The following SLC9A7 variants were observed in gnomAD, a reference collection of about 807,000 sequenced individuals.
SLC9A7 encodes the protein solute carrier family 9 member A7.
SLC9A7 carries 19 observed loss-of-function variants against 52.6 expected under a neutral mutation model. That is an observed-to-expected ratio of 0.36 (90% CI 0.25 to 0.53). The LOEUF (loss-of-function observed/expected upper bound fraction) is 0.53, where lower values mean the gene tolerates loss of function less well. Ranked by LOEUF, SLC9A7 falls within the 20% of genes least tolerant of loss-of-function variation. The pLI is 0.91. For synonymous variants in SLC9A7, 226 were observed against 252.1 expected, an observed-to-expected ratio of 0.90 and a Z score of 0.98; for missense variants, 455 against 597.9, an observed-to-expected ratio of 0.76 and a Z score of 2.49.
At chrX:46,733,880 A>C (rs1250791367) in intron 1 of SLC9A7, among the ~76,000 whole-genome samples, 1 of 112,125 alleles carries the variant, frequency 8.9e-6, no homozygotes, top group Non-Finnish European at 1.9e-5. Flanking sequence ...AAAATTGCAG[A>C]TATAAATCCA....
chrX:46,637,286 G>A (rs1328329504), intron 12 of SLC9A7, among the ~76,000 whole-genome samples: 2 of 111,920 alleles, frequency 1.8e-5, no homozygotes, highest in South Asian at 3.7e-4. Flanking sequence ...CAAGCTGCTC[G>A]TCTCCAGAGC....
chrX:46,655,743 T>A (rs1279290997), intron 7 of SLC9A7, among the ~76,000 whole-genome samples: 1 of 112,629 alleles, frequency 8.9e-6, no homozygotes, highest in Non-Finnish European at 1.9e-5. Flanking sequence ...TCTCGCTGAT[T>A]GCTAGCACAG....
At chrX:46,688,839 T>A (rs1219996764) in intron 1 of SLC9A7, among the ~76,000 whole-genome samples, 5 of 110,735 alleles carry the variant, frequency 4.5e-5, no homozygotes, top group African/African-American at 9.8e-5. Context: ...CAGGTTCTCT[T>A]ATTGAATGGT....
At chrX:46,738,082 A>C (rs1232056101) in intron 1 of SLC9A7, among the ~76,000 whole-genome samples, 2 of 75,946 alleles carry the variant, frequency 2.6e-5, no homozygotes, top group Non-Finnish European at 6.4e-5. Context: ...AAAGAAAGAA[A>C]GAAAGAAAGA....
intron 1 of SLC9A7, among the ~76,000 whole-genome samples, chrX:46,698,908 C>G (rs780872800): frequency 2.7e-5 from 3 of 111,419 alleles, no homozygotes; most frequent in African/African-American, 9.8e-5. Context: ...AAATCTGTGA[C>G]TCACCAACCT....
chrX:46,616,348 A>C (rs1331416230), intron 15 of SLC9A7, among the ~76,000 whole-genome samples: 3 of 108,363 alleles, frequency 2.8e-5, no homozygotes, highest in Non-Finnish European at 5.7e-5. Flanking sequence ...CCAAAAAAAA[A>C]CAAAACAAAA....
chrX:46,738,112 A>AGAAAG (rs1354100836), intron 1 of SLC9A7, among the ~76,000 whole-genome samples: 5 of 107,811 alleles, frequency 4.6e-5, no homozygotes, highest in African/African-American at 1.7e-4. Flanking sequence ...AGAAAGAGAA[A>AGAAAG]AGAAAAGAAA....
chrX:46,615,193 C>T (rs1358560323), intron 15 of SLC9A7, among the ~76,000 whole-genome samples: 1 of 111,991 alleles, frequency 8.9e-6, no homozygotes, highest in Non-Finnish European at 1.9e-5. Context: ...CAGACGCGTG[C>T]CACCATACCC....
intron 7 of SLC9A7, among the ~76,000 whole-genome samples, chrX:46,657,322 C>T (rs1456266663): frequency 2.8e-5 from 3 of 107,747 alleles, no homozygotes; most frequent in African/African-American, 1.0e-4. Flanking sequence ...AACTAATGAG[C>T]AAAATAACCA....
chrX:46,648,321 C>T (rs777700895), intron 11 of SLC9A7, among the ~76,000 whole-genome samples: 38 of 112,041 alleles, frequency 3.4e-4, no homozygotes, highest in African/African-American at 1.2e-3. Flanking sequence ...AGTGGTCTTT[C>T]TCATCAGGAG....
intron 1 of SLC9A7, among the ~76,000 whole-genome samples, chrX:46,697,749 T>A (rs1944468360): frequency 8.9e-6 from 1 of 112,231 alleles, no homozygotes; most frequent in Non-Finnish European, 1.9e-5. Flanking sequence ...AACAGCAATG[T>A]TTAGGAAACA....
At chrX:46,708,950 AG>A (rs1355078277) in intron 1 of SLC9A7, among the ~76,000 whole-genome samples, 1 of 111,751 alleles carries the variant, frequency 8.9e-6, no homozygotes, top group Non-Finnish European at 1.9e-5. Flanking sequence ...CTCCCTTCAT[AG>A]GGCTTACATT....
At chrX:46,655,441 G>A (rs1404535279) in intron 7 of SLC9A7, among the ~76,000 whole-genome samples, 4 of 112,122 alleles carry the variant, frequency 3.6e-5, no homozygotes, top group Non-Finnish European at 7.5e-5. Context: ...GGTGATTTCT[G>A]CATTTCCATC....
chrX:46,625,134 A>G (rs192921056), intron 14 of SLC9A7, among the ~76,000 whole-genome samples: 184 of 112,491 alleles, frequency 1.6e-3, no homozygotes, highest in Admixed American at 2.9e-3. Flanking sequence ...TAATTTTTCT[A>G]GAATGAATGC....
At chrX:46,740,350 T>C (rs1174742848) in intron 1 of SLC9A7, among the ~76,000 whole-genome samples, 2 of 111,296 alleles carry the variant, frequency 1.8e-5, no homozygotes, top group Non-Finnish European at 3.8e-5. Flanking sequence ...CTATTCAACA[T>C]TGTACTGAAA....
At chrX:46,757,185 C>A (rs1556293039) in intron 1 of SLC9A7, among the ~76,000 whole-genome samples, 2 of 112,023 alleles carry the variant, frequency 1.8e-5, no homozygotes, top group African/African-American at 6.5e-5. Flanking sequence ...CAATTCCCCC[C>A]TGTCTGTCTT....
chrX:46,648,733 C>T lies in SLC9A7; in HGVS notation c.1415G>A (p.Arg472Lys). The change falls in exon 11 of 17, where the codon AGA becomes AAA. Residue 472 changes from arginine (R) to lysine (K), a missense_variant. Coordinates refer to ENST00000616978, the MANE Select transcript of SLC9A7 (RefSeq NM_001257291.2). The stretch of plus-strand genomic sequence containing the variant: ...AAAATTCCAGCCAATCTTATGCCTT[C>T]TGCCCAAGTTGAGGAAGAAGGAGAG... Reference protein sequence around the residue: ...YPLSFFLNLGRRHKIGWNFQH... With the variant: ...YPLSFFLNLGKRHKIGWNFQH... 8.3e-7 allele frequency: 1 copy of T among 1,211,596 alleles called. No individual in the cohort carries two copies. Among genetic ancestry groups the T allele is most frequent in the Non-Finnish European group, 1.1e-6 (1 of 895,364 alleles).
intron 12 of SLC9A7, among the ~76,000 whole-genome samples, chrX:46,639,472 A>G (rs755870388): frequency 8.0e-4 from 88 of 109,478 alleles, no homozygotes; most frequent in African/African-American, 2.7e-3. Flanking sequence ...TAGTAGAGAC[A>G]GGGTTTCACC....
At chrX:46,683,052 C>T (rs1433594193) in intron 1 of SLC9A7, among the ~76,000 whole-genome samples, 1 of 101,576 alleles carries the variant, frequency 9.8e-6, no homozygotes, top group African/African-American at 3.6e-5. Flanking sequence ...CTCAAGTGAT[C>T]TGCTGGCTTC....
Sources: gnomAD v4.1 joint callset for allele counts (sites outside exome capture counted in the v4.1 genomes callset) on GRCh38, gnomAD v4.1.1 for gene constraint, MANE v1.5 for transcripts, NCBI Gene and HGNC (gene_info 2026-07-23, HGNC 2026-07-21) for gene names.